Variants in SDC4 observed in about 807,000 individuals in gnomAD.
The protein encoded by SDC4 is syndecan 4.
Under a neutral mutation model 20.5 loss-of-function variants are expected in SDC4, and 17 were observed. The observed-to-expected ratio is 0.83, with a 90% CI of 0.57 to 1.25. The LOEUF (loss-of-function observed/expected upper bound fraction) is 1.25. Among genes scored for constraint, SDC4 ranks in the 50% most tolerant of loss-of-function variants. The probability of loss-of-function intolerance (pLI) is 0.00; values close to 1 mark genes in which losing one functional copy is unlikely to be tolerated. For missense variants in SDC4, 241 were observed against 252.3 expected (o/e 0.96, Z 0.30); for synonymous variants, 107 against 105.3 (o/e 1.02, Z -0.10).
At chr20:45,334,829 G>C (rs1482094501) in intron 2 of SDC4, among the ~76,000 whole-genome samples, 1 of 152,118 alleles carries the variant, frequency 6.6e-6, no homozygotes, top group Non-Finnish European at 1.5e-5. Flanking sequence ...CACGTACTGA[G>C]TGCTTGGTAG....
At chr20:45,327,619 T>C (rs560579136) in intron 4 of SDC4, among the ~76,000 whole-genome samples, 1 of 152,372 alleles carries the variant, frequency 6.6e-6, no homozygotes, top group East Asian at 1.9e-4. Flanking sequence ...TTTAAGTCAC[T>C]GAAGACCACA....
intron 1 of SDC4, among the ~76,000 whole-genome samples, chr20:45,342,537 C>T (rs1452751082): frequency 6.6e-6 from 1 of 152,186 alleles, no homozygotes; most frequent in Non-Finnish European, 1.5e-5. Context: ...CCAGCAGCCT[C>T]TTCTACTGTG....
rs1043673521 is a variant in SDC4, at chr20:45,327,481, T to C, written c.446-66A>G. 3.3e-6 allele frequency: 5 copies of C among 1,517,160 alleles called. No homozygotes were observed. The African/African-American group carries it at 4.1e-5, about 12-fold the overall frequency. 94.0% of individuals were successfully genotyped at this position (1,517,160 alleles called of 1,614,324 possible). On this transcript the variant is annotated intron_variant, in intron 4 of 4. Transcript: ENST00000372733. ...TCATCAGGACCTAAGGATGAACCCC[T>C]CTTTCCCCCACTGTCAGTTCTCTTA...
rs758120865 is a variant in SDC4, at chr20:45,327,295, T to C, written c.566A>G (p.Lys189Arg). Reference protein sequence around the residue: ...SYDLGKKPIYKKAPTNEFYA With the variant: ...SYDLGKKPIYRKAPTNEFYA ...GTAGAACTCATTGGTGGGGGCTTTC[T>C]TGTAGATGGGTTTCTTGCCCAGGTC... Residue 189 changes from lysine to arginine, a missense_variant, in exon 5 of 5, where the codon AAG becomes AGG. Lys to Arg is a conservative substitution (Grantham distance 26, BLOSUM62 2). Transcript: ENST00000372733. 6.8e-6 allele frequency: 11 copies of C among 1,614,094 alleles called. No homozygotes were observed. The South Asian group carries it at 1.2e-4, about 18-fold the overall frequency.
intron 1 of SDC4, among the ~76,000 whole-genome samples, chr20:45,341,447 C>A (rs529867445): frequency 6.6e-6 from 1 of 152,308 alleles, no homozygotes; most frequent in South Asian, 2.1e-4. Flanking sequence ...ACCACCTGTC[C>A]TAAGCAGACA....
At chr20:45,332,910 G>A in intron 3 of SDC4, 113 bp downstream of exon 3, 1 of 999,140 alleles carries the variant, frequency 1.0e-6, no homozygotes, top group Non-Finnish European at 1.5e-6. Context: ...TTCCCGCATA[G>A]TGGGGTAAGA....
chr20:45,343,013 A>G (rs1300053124), intron 1 of SDC4, among the ~76,000 whole-genome samples: 5 of 152,140 alleles, frequency 3.3e-5, no homozygotes, highest in African/African-American at 1.2e-4. Flanking sequence ...CAACAAAGTG[A>G]CGTATTAACT....
Position 45,337,839 on chromosome 20 carries a change from C to T in SDC4, c.61-1919G>A, listed in dbSNP as rs183124937. 1.6e-3 allele frequency among the ~76,000 whole-genome samples: 237 copies of T among 152,304 alleles called. 2 individuals carry two copies. The highest frequency in any genetic ancestry group is 4.9e-4 in the Non-Finnish European group (33 of 68,026). ...GCAGTGGCCAGGAATCACTCTCTCC[C>T]GGGGAGTGGGGAGAATGCTGAACGC... On this transcript the variant is annotated intron_variant, in intron 1 of 4. Transcript: ENST00000372733.
At chr20:45,347,097 G>C (rs1568910218) in intron 1 of SDC4, among the ~76,000 whole-genome samples, 1 of 152,078 alleles carries the variant, frequency 6.6e-6, no homozygotes, top group Non-Finnish European at 1.5e-5. Context: ...CTGGCCCCCC[G>C]ACAAAGGCGC....
chr20:45,348,375 CG>C lies in SDC4; in HGVS notation c.9del (p.Ala4ProfsTer11). MAPARLFALLLFF... is the reference protein window; with the variant it reads MAXARLFALLLFF... ...AACAGCAGCAGCGCGAACAGACGGG[CG>C]GGGGCCATGGCACCGCGGACTGGAG... On this transcript the variant is annotated frameshift_variant, in exon 1 of 5. Transcript: ENST00000372733. LOFTEE classifies it high-confidence loss of function. 6.3e-7 allele frequency: 1 copy of C among 1,584,608 alleles called. No individual in the cohort carries two copies. The highest frequency in any genetic ancestry group is 2.3e-5 in the East Asian group (1 of 42,954).
At position 45,325,634 on chromosome 20, in the gene SDC4, C is replaced by CCT. The variant is rs1555860676; in HGVS notation, c.*1629_*1630insAG. ...CATCAGCCCTCCCCCATTCCCCCCCCCCTACCCAGGGAGACAAGGGTCGTC... is the reference window on the plus strand; with the variant it reads ...CATCAGCCCTCCCCCATTCCCCCCCCCTCCTACCCAGGGAGACAAGGGTCGTC... On this transcript the variant is annotated 3_prime_UTR_variant, in exon 5 of 5. Coordinates refer to ENST00000372733, the MANE Select transcript of SDC4 (RefSeq NM_002999.4). 28 of 144,996 alleles carry CCT rather than the reference C, an allele frequency of 1.9e-4. No homozygotes were observed. The highest frequency in any genetic ancestry group is 1.5e-3 in the East Asian group (7 of 4,696). The allele number at this position is 144,996 out of a possible 1,614,324, so 9.0% of individuals were successfully genotyped here.
At chr20:45,336,439 G>A (rs1987869715) in intron 1 of SDC4, among the ~76,000 whole-genome samples, 2 of 152,104 alleles carry the variant, frequency 1.3e-5, no homozygotes, top group African/African-American at 2.4e-5. Context: ...AGTAAATGAG[G>A]TAATAATCAA....
intron 3 of SDC4, among the ~76,000 whole-genome samples, chr20:45,332,794 G>A (rs1987798182): frequency 6.6e-6 from 1 of 151,270 alleles, no homozygotes; most frequent in South Asian, 2.1e-4. Flanking sequence ...AGGTTTCATC[G>A]TGTTGCCCAG....
intron 1 of SDC4, among the ~76,000 whole-genome samples, chr20:45,347,641 G>C (rs2072786): frequency 0.31 from 47,444 of 151,964 alleles, 8,159 homozygotes; most frequent in East Asian, 0.42. Flanking sequence ...GCTAAGTGTT[G>C]AGTCTAAACC....
At position 45,333,087 on chromosome 20, in the gene SDC4, CTG is replaced by C. The variant is rs1987804164; in HGVS notation, c.200-20_200-19del. On this transcript the variant is annotated intron_variant, in intron 2 of 4. Coordinates refer to ENST00000372733, the MANE Select transcript of SDC4 (RefSeq NM_002999.4). ...CAAGTCATCTGTAAGGTCAGAATAG[CTG>C]TGTGAGTGAGGTCCATTACCCCAGG... 6.2e-7 allele frequency: 1 copy of C among 1,613,566 alleles called. No homozygotes were observed. Among genetic ancestry groups the C allele is most frequent in the African/African-American group, 1.3e-5 (1 of 74,916 alleles).
At chr20:45,345,931 G>C (rs2251577) in intron 1 of SDC4, 67,998 of 151,946 alleles carry the variant, frequency 0.45, 17,442 homozygotes, top group East Asian at 0.88. Context: ...AACAGTCGGG[G>C]GAACACCACC....
At chr20:45,342,628 C>T (rs1391361554) in intron 1 of SDC4, among the ~76,000 whole-genome samples, 1 of 150,756 alleles carries the variant, frequency 6.6e-6, no homozygotes, top group Non-Finnish European at 1.5e-5. Flanking sequence ...GGGTGGGGGC[C>T]GCTGAATAGG....
At chr20:45,336,595 G>A (rs1468795462) in intron 1 of SDC4, among the ~76,000 whole-genome samples, 1 of 152,106 alleles carries the variant, frequency 6.6e-6, no homozygotes, top group Non-Finnish European at 1.5e-5. Context: ...ATGGAAGAGC[G>A]AGGATTGCAT....
intron 2 of SDC4, 119 bp downstream of exon 2, chr20:45,335,663 G>T: frequency 9.8e-7 from 1 of 1,022,168 alleles, no homozygotes. Flanking sequence ...AAGGAAGAAG[G>T]GCACTCTAGG....
Sources: gnomAD v4.1 joint callset for allele counts (sites outside exome capture counted in the v4.1 genomes callset) on GRCh38, gnomAD v4.1.1 for gene constraint, MANE v1.5 for transcripts, NCBI Gene and HGNC (gene_info 2026-07-23, HGNC 2026-07-21) for gene names.